CEP55: variants seen among roughly 807,000 people sequenced by gnomAD.
The protein encoded by CEP55 is centrosomal protein 55, also known as centrosomal protein of 55 kDa.
In CEP55, 57 loss-of-function variants were observed where a neutral mutation model predicts 63.2. The ratio of observed to expected loss-of-function variants is 0.90; its 90% confidence interval spans 0.73 to 1.13. CEP55 has a LOEUF of 1.13. Among genes scored for constraint, CEP55 ranks in the 50% most tolerant of loss-of-function variants. The probability of loss-of-function intolerance (pLI) is 0.00; values close to 1 mark genes in which losing one functional copy is unlikely to be tolerated. For synonymous variants in CEP55, 178 were observed against 191.6 expected (o/e 0.93, Z 0.59); for missense variants, 456 against 518.9 (o/e 0.88, Z 1.18).
At chr10:93,500,834 A>G (rs1241959863) in intron 2 of CEP55, among the ~76,000 whole-genome samples, 1 of 150,626 alleles carries the variant, frequency 6.6e-6, no homozygotes, top group Non-Finnish European at 1.5e-5. Flanking sequence ...ATCATAACTC[A>G]CTGCAGCCTC....
rs780362577 is a variant in CEP55, at chr10:93,527,927, A to G, written c.1192-23A>G. The G allele has an allele frequency of 3.1e-6, 5 of 1,594,562 alleles. No individual in the cohort carries two copies. In the South Asian group the frequency reaches 3.4e-5, roughly 11 times the overall value. On this transcript the variant is annotated intron_variant, in intron 8 of 8. Transcript: ENST00000371485. ...AACATTGGCCCTATTTACAAATTCT[A>G]TTATTTGAAACTTATTTTTCAGAAA...
rs1564767732 is a variant in CEP55, at chr10:93,518,942, ACAACAGGTACTCATT to A, written c.1061_1065+10del. 6.2e-7 allele frequency: 1 copy of A among 1,611,806 alleles called. No homozygotes were observed. The highest frequency in any genetic ancestry group is 8.5e-7 in the Non-Finnish European group (1 of 1,177,890). On this transcript the variant is annotated splice_donor_variant and splice_donor_5th_base_variant and coding_sequence_variant and intron_variant, in exon 7 of 9. Coordinates refer to ENST00000371485, the MANE Select transcript of CEP55 (RefSeq NM_018131.5). LOFTEE classifies it high-confidence loss of function. ...AACAAACAAGGGTAGCTCTGTTGGA[ACAACAGGTACTCATT>A]CGGGTTGCTTCTAAATTCAATTCTG... is the stretch of plus-strand genomic sequence containing the variant.
intron 1 of CEP55, among the ~76,000 whole-genome samples, chr10:93,498,754 C>T (rs1257616074): frequency 2.0e-5 from 3 of 149,800 alleles, no homozygotes; most frequent in Admixed American, 2.0e-4. Flanking sequence ...TGTTTGTTTC[C>T]TTGTTATTGC....
chr10:93,500,360 C>T (rs1321626186), intron 2 of CEP55, 126 bp downstream of exon 2: 2 of 803,310 alleles, frequency 2.5e-6, no homozygotes, highest in South Asian at 3.7e-5. Context: ...TTTTGGAAAG[C>T]TGACATTGGG....
At position 93,505,042 on chromosome 10, in the gene CEP55, C is replaced by A. The variant is rs930001447; in HGVS notation, c.459+1654C>A. Among the ~76,000 whole-genome samples, 8 of 152,080 alleles carry A rather than the reference C, an allele frequency of 5.3e-5. No homozygotes were observed. In the South Asian group the frequency reaches 1.7e-3, roughly 32 times the overall value. ...GGCCAGGCTGGTCTTGAACTCCTTACCTCAGGTGATCCGCCTGCCTCAGCC... is the reference window on the plus strand; with the variant it reads ...GGCCAGGCTGGTCTTGAACTCCTTAACTCAGGTGATCCGCCTGCCTCAGCC... On this transcript the variant is annotated intron_variant, in intron 3 of 8. Coordinates refer to ENST00000371485, the MANE Select transcript of CEP55 (RefSeq NM_018131.5).
intron 6 of CEP55, among the ~76,000 whole-genome samples, chr10:93,518,594 G>A (rs74150250): frequency 0.039 from 5,892 of 152,284 alleles, 391 homozygotes; most frequent in African/African-American, 0.13. Context: ...CTACTCAGAA[G>A]TGTCAGAACC....
chr10:93,517,387 A>G, intron 6 of CEP55, 139 bp downstream of exon 6: 1 of 611,302 alleles, frequency 1.6e-6, no homozygotes. Context: ...GAACAGAAAC[A>G]GACCATAAAC....
At chr10:93,519,073 T>C in intron 7 of CEP55, 125 bp downstream of exon 7, 1 of 603,850 alleles carries the variant, frequency 1.7e-6, no homozygotes. Context: ...AAGACTTCAA[T>C]AAAAGTCTTT....
intron 4 of CEP55, among the ~76,000 whole-genome samples, chr10:93,514,095 C>T (rs2057778279): frequency 6.6e-6 from 1 of 152,134 alleles, no homozygotes; most frequent in African/African-American, 2.4e-5. Flanking sequence ...AGGTACGTGC[C>T]ACCATGCCCG....
chr10:93,510,100 A>T (rs2057729330), intron 4 of CEP55, among the ~76,000 whole-genome samples: 1 of 152,196 alleles, frequency 6.6e-6, no homozygotes, highest in Admixed American at 6.5e-5. Context: ...CAGTTGTATC[A>T]TTGTTCAGTT....
At chr10:93,512,385 A>G (rs764411216) in intron 4 of CEP55, among the ~76,000 whole-genome samples, 20 of 151,690 alleles carry the variant, frequency 1.3e-4, no homozygotes, top group Middle Eastern at 3.4e-3. Context: ...GTGGTGGCGC[A>G]TGCCTGTAAT....
chr10:93,515,267 C>A, intron 4 of CEP55, 138 bp from the exon 5 acceptor site: 1 of 642,022 alleles, frequency 1.6e-6, no homozygotes, highest in Non-Finnish European at 2.6e-6. Context: ...AGGCATGTAA[C>A]ATAGAATGGT....
At position 93,515,312 on chromosome 10, in the gene CEP55, G is replaced by C. The variant is rs772758715; in HGVS notation, c.529-93G>C. 63 of 1,196,292 alleles carry C rather than the reference G, an allele frequency of 5.3e-5. 1 individual carries two copies. The highest frequency in any genetic ancestry group is 6.9e-5 in the Admixed American group (3 of 43,502). 74.1% of individuals were successfully genotyped at this position (1,196,292 alleles called of 1,614,324 possible). ...TTAGTCTATGAGCCATAGAGTTTTT[G>C]TTGGAAAAGACTACATCACTTGGAC... On this transcript the variant is annotated intron_variant, in intron 4 of 8. Transcript: ENST00000371485.
At chr10:93,519,089 T>A in intron 7 of CEP55, 141 bp downstream of exon 7, 1 of 569,088 alleles carries the variant, frequency 1.8e-6, no homozygotes, top group Non-Finnish European at 3.2e-6. Flanking sequence ...TCTTTCTTCT[T>A]CAATAAAAAA....
intron 8 of CEP55, among the ~76,000 whole-genome samples, chr10:93,522,202 G>T (rs1356061552): frequency 6.6e-6 from 1 of 152,178 alleles, no homozygotes; most frequent in Admixed American, 6.6e-5. Flanking sequence ...AAGATTAGAT[G>T]AATGGCTAAC....
intron 4 of CEP55, among the ~76,000 whole-genome samples, chr10:93,510,146 G>A (rs181119327): frequency 1.5e-4 from 23 of 152,268 alleles, no homozygotes; most frequent in Non-Finnish European, 2.8e-4. Context: ...AAATAATTAC[G>A]TAGAGTTAAT....
At chr10:93,526,568 G>C (rs1363448274) in intron 8 of CEP55, among the ~76,000 whole-genome samples, 1 of 152,172 alleles carries the variant, frequency 6.6e-6, no homozygotes, top group African/African-American at 2.4e-5. Context: ...ATTTGACCCA[G>C]CCATCCCATT....
chr10:93,500,859 A>G (rs1468718672), intron 2 of CEP55, among the ~76,000 whole-genome samples: 1 of 151,716 alleles, frequency 6.6e-6, no homozygotes. Flanking sequence ...TCTGGGCCTC[A>G]GGCAATCCTC....
In CEP55 at chr10:93,528,179, A is replaced by G; in HGVS notation, c.*26A>G. 4 of 1,577,270 alleles carry G rather than the reference A, an allele frequency of 2.5e-6. No homozygotes were observed. The highest frequency in any genetic ancestry group is 3.5e-6 in the Non-Finnish European group (4 of 1,147,378). ...CAAAATAAGTATTTGTTTTGATATT[A>G]AAAGATTCAATACTGTATTTTCTGT... On this transcript the variant is annotated 3_prime_UTR_variant, in exon 9 of 9. Coordinates refer to ENST00000371485, the MANE Select transcript of CEP55 (RefSeq NM_018131.5).
Sources: gnomAD v4.1 joint callset for allele counts (sites outside exome capture counted in the v4.1 genomes callset) on GRCh38, gnomAD v4.1.1 for gene constraint, MANE v1.5 for transcripts, NCBI Gene and HGNC (gene_info 2026-07-23, HGNC 2026-07-21) for gene names.